Variants in HEATR6 observed in about 807,000 individuals in gnomAD.
The protein encoded by HEATR6 is HEAT repeat-containing protein 6.
HEATR6 carries 106 observed loss-of-function variants against 132.8 expected under a neutral mutation model. That is an observed-to-expected ratio of 0.80 (90% CI 0.68 to 0.94). HEATR6 has a LOEUF of 0.94. Among genes scored for constraint, HEATR6 ranks in the 40% least tolerant of loss-of-function variants. HEATR6 has a pLI of 0.00. For missense variants in HEATR6, 1,339 were observed against 1,425.1 expected (o/e 0.94, Z 0.97); for synonymous variants, 529 against 537.8 (o/e 0.98, Z 0.23).
intron 1 of HEATR6, 55 bp downstream of exon 1, chr17:60,078,641 C>G: frequency 1.4e-6 from 2 of 1,404,430 alleles, no homozygotes; most frequent in South Asian, 1.3e-5. Flanking sequence ...AGGCCACCAG[C>G]TGGGTTCCCG....
At position 60,049,514 on chromosome 17, in the gene HEATR6, T is replaced by G. The variant is rs905614595; in HGVS notation, c.2547+66A>C. On this transcript the variant is annotated intron_variant, in intron 16 of 19. Transcript: ENST00000184956. ...TACCATCCAATGCAGGAGCTCTATA[T>G]CCACAAAATAGGGGTGTCATGGACT... 5 of 1,584,116 alleles carry G rather than the reference T, an allele frequency of 3.2e-6. No homozygotes were observed. The African/African-American group carries it at 4.1e-5, about 13-fold the overall frequency.
rs2083247948 is a variant in HEATR6, at chr17:60,067,465, C to T, written c.1207G>A (p.Asp403Asn). ...TTACTCTGCATGCCTCCTTCAGCATCAGAAAAGTCTGACTCACTACTGCTG... is the reference window on the plus strand; with the variant it reads ...TTACTCTGCATGCCTCCTTCAGCATTAGAAAAGTCTGACTCACTACTGCTG... ...RVSSSESDFS[D>N]AEGGMQSKMR... is the part of the protein sequence containing the mutation. Residue 403 changes from aspartate to asparagine, a missense_variant, in exon 8 of 20, where the codon GAT becomes AAT. Coordinates refer to ENST00000184956, the MANE Select transcript of HEATR6 (RefSeq NM_022070.5). 6.4e-7 allele frequency: 1 copy of T among 1,565,224 alleles called. No individual in the cohort carries two copies. Among genetic ancestry groups the T allele is most frequent in the East Asian group, 2.3e-5 (1 of 44,218 alleles).
intron 2 of HEATR6, 138 bp downstream of exon 2, chr17:60,075,992 A>G: frequency 1.9e-6 from 1 of 537,454 alleles, no homozygotes; most frequent in East Asian, 3.0e-5. Flanking sequence ...CTTTAAAAGC[A>G]TTCTTATTTA....
In HEATR6 at chr17:60,059,963, C is replaced by G. The variant is rs1249495435; in HGVS notation, c.1550G>C (p.Arg517Thr). Reference protein sequence around the residue: ...PFSVMIACSIRELHRCLLLAL... With the variant: ...PFSVMIACSITELHRCLLLAL... The stretch of plus-strand genomic sequence containing the variant: ...TAACAAAAGACATCTGTGCAACTCT[C>G]TAATGCTGCAAGCGATCATTACGGA... The change falls in exon 10 of 20, where the codon AGA becomes ACA. Residue 517 changes from arginine (R) to threonine (T), a missense_variant. Physicochemically the swap from Arg to Thr is moderately conservative, Grantham distance 71. Coordinates refer to ENST00000184956, the MANE Select transcript of HEATR6 (RefSeq NM_022070.5). 4.3e-6 allele frequency: 7 copies of G among 1,613,724 alleles called. No homozygotes were observed. The highest frequency in any genetic ancestry group is 1.3e-5 in the African/African-American group (1 of 74,926).
Position 60,042,408 on chromosome 17 carries a change from G to C in HEATR6, c.*1155C>G. Among the ~76,000 whole-genome samples, 1 of 138,902 alleles carries C rather than the reference G, an allele frequency of 7.2e-6. No individual in the cohort carries two copies. Among genetic ancestry groups the C allele is most frequent in the African/African-American group, 3.0e-5 (1 of 33,426 alleles). 91.1% of individuals were successfully genotyped at this position (138,902 alleles called of 152,430 possible). On this transcript the variant is annotated 3_prime_UTR_variant, in exon 20 of 20. Transcript: ENST00000184956. ...CAGCATCCTCGCGTCCTGTGCGGCTGTGAGGCACTGTCAGCATCCTCGCGT... is the reference window on the plus strand; with the variant it reads ...CAGCATCCTCGCGTCCTGTGCGGCTCTGAGGCACTGTCAGCATCCTCGCGT...
At chr17:60,070,395 C>G (rs1289865261) in intron 6 of HEATR6, among the ~76,000 whole-genome samples, 1 of 152,146 alleles carries the variant, frequency 6.6e-6, no homozygotes, top group Non-Finnish European at 1.5e-5. Context: ...CAAGGAGAAG[C>G]ACTGGCTCTT....
chr17:60,056,474 C>T (rs1906747426), intron 12 of HEATR6, among the ~76,000 whole-genome samples: 1 of 152,150 alleles, frequency 6.6e-6, no homozygotes. Context: ...AGTCTTGGAA[C>T]TATTCTTTAA....
chr17:60,066,165 A>G, intron 9 of HEATR6, 44 bp downstream of exon 9: 3 of 1,499,004 alleles, frequency 2.0e-6, no homozygotes, highest in Middle Eastern at 1.7e-4. Flanking sequence ...GGATCTGTAA[A>G]TTTTTTCTTC....
chr17:60,076,058 T>C, intron 2 of HEATR6, 72 bp downstream of exon 2: 3 of 868,088 alleles, frequency 3.5e-6, no homozygotes, highest in African/African-American at 1.6e-5. Context: ...CTACTACAGA[T>C]GTAGTATTTC....
chr17:60,065,714 A>G (rs1390013701), intron 9 of HEATR6, among the ~76,000 whole-genome samples: 2 of 152,238 alleles, frequency 1.3e-5, no homozygotes, highest in Non-Finnish European at 2.9e-5. Flanking sequence ...AAACTAGAAA[A>G]GTTGCAAGAA....
chr17:60,047,375 C>T lies in HEATR6; in HGVS notation c.2703G>A (p.Glu901=). ...METPDPSFQE[E]FSGLLLLKML... ...TTTTCAAGAGCAGGAGACCAGAGAA[C>T]TCTTCCTGGAAACTTGGGTCTGGTG... is the stretch of plus-strand genomic sequence containing the variant. The change falls in exon 18 of 20, where the codon GAG becomes GAA. Residue 901 remains glutamate (E), a synonymous_variant. Transcript: ENST00000184956. 6.2e-7 allele frequency: 1 copy of T among 1,613,106 alleles called. No homozygotes were observed. The highest frequency in any genetic ancestry group is 1.7e-5 in the Admixed American group (1 of 59,898).
At chr17:60,074,581 T>C (rs2083287634) in intron 2 of HEATR6, among the ~76,000 whole-genome samples, 1 of 152,220 alleles carries the variant, frequency 6.6e-6, no homozygotes. Context: ...CAGCAGACAC[T>C]GTTGGTTACC....
intron 10 of HEATR6, 48 bp from the exon 11 acceptor site, chr17:60,059,569 G>A (rs1279752117): frequency 8.0e-7 from 1 of 1,247,020 alleles, no homozygotes; most frequent in African/African-American, 1.5e-5. Flanking sequence ...TTAAACCACA[G>A]CATAGAACAA....
Position 60,069,867 on chromosome 17 carries a change from G to GAC in HEATR6, c.802-21_802-20dup, listed in dbSNP as rs201877781. On this transcript the variant is annotated intron_variant, in intron 6 of 19. Transcript: ENST00000184956. ...TGAATTTCTAATAATGATGAATAAGGACACACACACACACACGAAACCAAA... is the reference window on the plus strand; with the variant it reads ...TGAATTTCTAATAATGATGAATAAGGACACACACACACACACACGAAACCAAA... 183 of 1,596,222 alleles carry GAC rather than the reference G, an allele frequency of 1.1e-4. No individual in the cohort carries two copies. Among genetic ancestry groups the GAC allele is most frequent in the South Asian group, 4.8e-4 (43 of 89,874 alleles).
chr17:60,043,606 G>A lies in HEATR6; in HGVS notation c.3503C>T (p.Ser1168Leu), dbSNP rs533285312. 10 of 1,614,094 alleles carry A rather than the reference G, an allele frequency of 6.2e-6. No homozygotes were observed. The highest frequency in any genetic ancestry group is 2.7e-5 in the African/African-American group (2 of 75,020). ...LEEILAVCFD[S>L]SGSQGALPGL... ...TGGGAGTGCCCCTTGTGATCCAGAT[G>A]AGTCAAAACAAACGGCCAGGATCTC... Residue 1168 changes from serine to leucine, a missense_variant, in exon 20 of 20, where the codon TCA becomes TTA. Coordinates refer to ENST00000184956, the MANE Select transcript of HEATR6 (RefSeq NM_022070.5).
intron 9 of HEATR6, 95 bp from the exon 10 acceptor site, chr17:60,060,191 C>T: frequency 1.2e-6 from 1 of 863,464 alleles, no homozygotes; most frequent in Admixed American, 2.3e-5. Flanking sequence ...TATTTACAAT[C>T]ATTTTAATTG....
rs759451100 is a variant in HEATR6, at chr17:60,048,318, C to T, written c.2618G>A (p.Arg873Gln). The T allele has an allele frequency of 4.9e-5, 79 of 1,613,440 alleles. No homozygotes were observed. The highest frequency in any genetic ancestry group is 8.9e-5 in the East Asian group (4 of 44,892). Residue 873 changes from arginine to glutamine, a missense_variant, in exon 17 of 20, where the codon CGA becomes CAA. Arg to Gln is a conservative substitution (Grantham distance 43). Coordinates refer to ENST00000184956, the MANE Select transcript of HEATR6 (RefSeq NM_022070.5). ...GCCCAGGGACCAGGCTGCTTTGGCTCGAACATTCAGAGACTTGTCTTCAAG... is the reference window on the plus strand; with the variant it reads ...GCCCAGGGACCAGGCTGCTTTGGCTTGAACATTCAGAGACTTGTCTTCAAG... ...MSLEDKSLNV[R>Q]AKAAWSLGNL...
At chr17:60,056,074 T>A in intron 13 of HEATR6, 41 bp downstream of exon 13, 1 of 1,605,048 alleles carries the variant, frequency 6.2e-7, no homozygotes, top group South Asian at 1.1e-5. Context: ...GGATATAAAG[T>A]GAAGAGAAGG....
In HEATR6 at chr17:60,057,419, G is replaced by A; in HGVS notation, c.1724-16C>T. The A allele has an allele frequency of 6.6e-7, 1 of 1,512,424 alleles. No individual in the cohort carries two copies. The allele number at this position is 1,512,424 out of a possible 1,614,324, so 93.7% of individuals were successfully genotyped here. On this transcript the variant is annotated splice_polypyrimidine_tract_variant and intron_variant, in intron 11 of 19. Coordinates refer to ENST00000184956, the MANE Select transcript of HEATR6 (RefSeq NM_022070.5). ...ACATTAACATCTGTCAAAGGAAGCA[G>A]TAAGAACTTATCATCATGGCAACAA...
Sources: allele counts gnomAD v4.1 joint callset (sites outside exome capture counted in the v4.1 genomes callset), GRCh38; gene constraint gnomAD v4.1.1; transcripts MANE v1.5; gene names NCBI Gene and HGNC (gene_info 2026-07-23, HGNC 2026-07-21).